The following PIAS2 variants were observed in gnomAD, a reference collection of about 807,000 sequenced individuals.
PIAS2 encodes the protein protein inhibitor of activated STAT 2, also known as E3 SUMO-protein ligase PIAS2.
A neutral mutation model predicts 69.7 loss-of-function variants in PIAS2; 19 were observed. The observed-to-expected ratio is 0.27, with a 90% CI of 0.19 to 0.40. PIAS2 has a LOEUF of 0.40. PIAS2 is among the 10% of genes least tolerant of loss of function. The pLI is 1.00. For synonymous variants in PIAS2, 261 were observed against 263.2 expected (o/e 0.99, Z 0.08); for missense variants, 624 against 757.0 (o/e 0.82, Z 2.06).
At chr18:46,848,177 T>TA (rs2046426703) in intron 5 of PIAS2, among the ~76,000 whole-genome samples, 1 of 152,194 alleles carries the variant, frequency 6.6e-6, no homozygotes, top group Admixed American at 6.5e-5. Context: ...AAGTATCTTT[T>TA]AAAACTGTAT....
chr18:46,803,715 C>CT lies in PIAS2; in HGVS notation c.*8717dup, dbSNP rs1568304551. ...TTATGTTTACAATTATATTGTAGCA[C>CT]TCTGTGTAGTGTACCTGACCCAGAT... On this transcript the variant is annotated 3_prime_UTR_variant, in exon 14 of 14. Transcript: ENST00000585916. The CT allele has an allele frequency of 6.6e-6, 1 of 152,230 alleles. No individual in the cohort carries two copies. The highest frequency in any genetic ancestry group is 1.5e-5 in the Non-Finnish European group (1 of 68,046). The allele number at this position is 152,230 out of a possible 1,614,324, so 9.4% of individuals were successfully genotyped here. A position where few individuals can be genotyped will look rare whatever the true frequency, so the allele number is the denominator to read the frequency against.
At chr18:46,876,783 G>A (rs769965511) in intron 2 of PIAS2, among the ~76,000 whole-genome samples, 9 of 149,836 alleles carry the variant, frequency 6.0e-5, no homozygotes, top group Non-Finnish European at 1.3e-4. Context: ...TGCAAGCTCT[G>A]CCTCCCGGGT....
In PIAS2 at chr18:46,829,478, A is replaced by G. The variant is rs143252546; in HGVS notation, c.1336+256T>C. Reference sequence around the variant, plus strand: ...GACTTTTTGTTTTGTAACAAACATCATATTTTAAAATGATTTTAGATGAAT... The same window carrying G: ...GACTTTTTGTTTTGTAACAAACATCGTATTTTAAAATGATTTTAGATGAAT... On this transcript the variant is annotated intron_variant, in intron 10 of 13. Transcript: ENST00000585916. Among the ~76,000 whole-genome samples the G allele has an allele frequency of 4.6e-3, 700 of 152,346 alleles. 3 individuals are homozygous for G. Among genetic ancestry groups the G allele is most frequent in the Admixed American group, 8.8e-3 (134 of 15,300 alleles).
intron 8 of PIAS2, among the ~76,000 whole-genome samples, chr18:46,842,244 A>T (rs2045511865): frequency 6.7e-6 from 1 of 149,068 alleles, no homozygotes; most frequent in South Asian, 2.1e-4. Flanking sequence ...TTTAAAATAA[A>T]TTAAAAAAAA....
At chr18:46,901,916 T>C (rs1031562186) in intron 1 of PIAS2, among the ~76,000 whole-genome samples, 2 of 152,180 alleles carry the variant, frequency 1.3e-5, no homozygotes, top group Non-Finnish European at 2.9e-5. Flanking sequence ...CTAAAAGTTC[T>C]AGCTAGCAGA....
chr18:46,820,507 A>G (rs893466956), intron 12 of PIAS2, among the ~76,000 whole-genome samples: 6 of 152,108 alleles, frequency 3.9e-5, no homozygotes, highest in East Asian at 1.9e-4. Context: ...GGTAGACTCT[A>G]TCTTTGTAAG....
chr18:46,820,951 T>A lies in PIAS2; in HGVS notation c.1630A>T (p.Met544Leu), dbSNP rs756928313. Residue 544 changes from methionine (M) to leucine (L), a missense_variant, in exon 12 of 14, where the codon ATG becomes TTG. By Grantham distance (15) the Met-to-Leu change is conservative. This residue lies in a region of PIAS2 where 241 missense variants were observed against 257.3 expected (regional missense o/e 0.94). Coordinates refer to ENST00000585916, the MANE Select transcript of PIAS2 (RefSeq NM_004671.5). Reference sequence around the variant, plus strand: ...CACATACCTGGCAAATCTGATGACATGCTTGATATTGGCGTATGGTGGAAT... The same window carrying A: ...CACATACCTGGCAAATCTGATGACAAGCTTGATATTGGCGTATGGTGGAAT... ...VPFHHTPISS[M>L]SSDLPGLDFL... 8 of 1,612,014 alleles carry A rather than the reference T, an allele frequency of 5.0e-6. No individual in the cohort carries two copies. Among genetic ancestry groups the A allele is most frequent in the Admixed American group, 1.7e-5 (1 of 59,784 alleles).
At chr18:46,829,929 A>G (rs2043352861) in intron 9 of PIAS2, 62 bp from the exon 10 acceptor site, 5 of 1,429,332 alleles carry the variant, frequency 3.5e-6, no homozygotes, top group Non-Finnish European at 4.8e-6. Context: ...GTGAAATAAG[A>G]AAGTAATACA....
chr18:46,856,157 C>T (rs111327265), intron 3 of PIAS2, among the ~76,000 whole-genome samples: 2,283 of 151,764 alleles, frequency 0.015, 45 homozygotes, highest in African/African-American at 0.048. Context: ...AGGCGCCCGC[C>T]ACCACGCCCG....
chr18:46,867,836 G>A (rs536392753), intron 2 of PIAS2, among the ~76,000 whole-genome samples: 3 of 152,160 alleles, frequency 2.0e-5, no homozygotes, highest in Non-Finnish European at 4.4e-5. Context: ...ACAGTGTACA[G>A]TTTAAGTGAT....
intron 9 of PIAS2, 73 bp downstream of exon 9, chr18:46,836,284 G>T: frequency 1.8e-6 from 2 of 1,118,902 alleles, no homozygotes; most frequent in Non-Finnish European, 2.7e-6. Context: ...AGTTCAGTAA[G>T]TTGTAGTGAA....
intron 5 of PIAS2, among the ~76,000 whole-genome samples, chr18:46,850,378 AAC>A: frequency 6.6e-6 from 1 of 152,178 alleles, no homozygotes; most frequent in African/African-American, 2.4e-5. Flanking sequence ...GCCATCTCCA[AAC>A]ACACACACTT....
rs755175339 is a variant in PIAS2, at chr18:46,812,504, T to G, written c.1795A>C (p.Ser599Arg). ...ATGACCCCTGTCTCACTCCTGCTGC[T>G]GGATGAACTAACATGAGTACTGCTT... ...HESSTHVSSS[S>R]SRSETGVITS... Residue 599 changes from serine (S) to arginine (R), a missense_variant, in exon 14 of 14, where the codon AGC becomes CGC. This residue lies in a region of PIAS2 where 241 missense variants were observed against 257.3 expected (regional missense o/e 0.94). Coordinates refer to ENST00000585916, the MANE Select transcript of PIAS2 (RefSeq NM_004671.5). 1 of 1,613,122 alleles carries G rather than the reference T, an allele frequency of 6.2e-7. No homozygotes were observed. Among genetic ancestry groups the G allele is most frequent in the Non-Finnish European group, 8.5e-7 (1 of 1,179,090 alleles).
intron 1 of PIAS2, among the ~76,000 whole-genome samples, chr18:46,906,519 A>G (rs1185681185): frequency 2.0e-5 from 3 of 152,192 alleles, no homozygotes; most frequent in Non-Finnish European, 2.9e-5. Context: ...CCAGCAAAGT[A>G]TAATTATAAA....
At chr18:46,869,599 GAAAGATAT>G (rs2050019790) in intron 2 of PIAS2, among the ~76,000 whole-genome samples, 2 of 152,204 alleles carry the variant, frequency 1.3e-5, no homozygotes, top group African/African-American at 4.8e-5. Context: ...GACAGGAAAT[GAAAGATAT>G]AAAGCTAGTG....
In PIAS2 at chr18:46,806,141, T is replaced by C. The variant is rs995082524; in HGVS notation, c.*6292A>G. 6.6e-6 allele frequency: 1 copy of C among 152,126 alleles called. No individual in the cohort carries two copies. Among genetic ancestry groups the C allele is most frequent in the African/African-American group, 2.4e-5 (1 of 41,430 alleles). 9.4% of individuals were successfully genotyped at this position (152,126 alleles called of 1,614,324 possible). On this transcript the variant is annotated 3_prime_UTR_variant, in exon 14 of 14. Transcript: ENST00000585916. ...TAGATTCCCATATCAGTCTCCTAGA[T>C]AGCACAGCTAATTAACGTCACTTCA...
chr18:46,890,664 T>C lies in PIAS2; in HGVS notation c.415A>G (p.Ile139Val), dbSNP rs777093027. 59 of 1,613,886 alleles carry C rather than the reference T, an allele frequency of 3.7e-5. 1 individual carries two copies. In the South Asian group the frequency reaches 4.0e-4, roughly 11 times the overall value. The change falls in exon 2 of 14, where the codon ATT becomes GTT. Residue 139 changes from isoleucine to valine, a missense_variant. This residue lies in a region of PIAS2 where 339 missense variants were observed against 408.8 expected (regional missense o/e 0.83). Transcript: ENST00000585916. ...TFEMQQPSPP[I>V]PPVHPDVQLK... ...TGCACATCAGGATGGACAGGAGGAA[T>C]TGGGGGAGATGGCTGCTGCATCTCA...
At chr18:46,911,341 G>A (rs2057244043) in intron 1 of PIAS2, among the ~76,000 whole-genome samples, 1 of 151,368 alleles carries the variant, frequency 6.6e-6, no homozygotes, top group Non-Finnish European at 1.5e-5. Flanking sequence ...TCAGCCTCCC[G>A]AGTAGCTGGG....
chr18:46,817,322 A>G, intron 12 of PIAS2: 1 of 983,216 alleles, frequency 1.0e-6, no homozygotes, highest in Non-Finnish European at 1.2e-6. Flanking sequence ...CTAAATGTTC[A>G]ACTATTTCAA....
Sources: allele counts gnomAD v4.1 joint callset (sites outside exome capture counted in the v4.1 genomes callset), GRCh38; gene constraint gnomAD v4.1.1; regional missense constraint gnomAD v4.1.1; transcripts MANE v1.5; gene names NCBI Gene and HGNC (gene_info 2026-07-23, HGNC 2026-07-21).